TRAPPC9: variants seen among roughly 807,000 people sequenced by gnomAD.
The protein encoded by TRAPPC9 is trafficking protein particle complex subunit 9.
In TRAPPC9, 83 loss-of-function variants were observed where a neutral mutation model predicts 124.0. That is an observed-to-expected ratio of 0.67 (90% CI 0.56 to 0.80). The LOEUF is 0.80. TRAPPC9 is among the 30% of genes least tolerant of loss of function. TRAPPC9 has a pLI of 0.00. For synonymous variants in TRAPPC9, 638 were observed against 617.5 expected (o/e 1.03, Z -0.49); for missense variants, 1,302 against 1,508.3 (o/e 0.86, Z 2.27).
chr8:139,881,459 C>T (rs985799963), intron 21 of TRAPPC9, among the ~76,000 whole-genome samples: 2 of 152,250 alleles, frequency 1.3e-5, no homozygotes. Context: ...CCCTTTATAC[C>T]ACCTGAGCTG....
At chr8:139,782,970 T>A (rs1821939612) in intron 21 of TRAPPC9, among the ~76,000 whole-genome samples, 1 of 152,038 alleles carries the variant, frequency 6.6e-6, no homozygotes. Flanking sequence ...AGAAATTAAG[T>A]GAGAAATTAA....
At chr8:140,299,527 C>T (rs2065905968) in intron 11 of TRAPPC9, among the ~76,000 whole-genome samples, 2 of 152,244 alleles carry the variant, frequency 1.3e-5, no homozygotes, top group African/African-American at 4.8e-5. Flanking sequence ...GCAGGCCTCC[C>T]GCTCACACTC....
chr8:139,963,817 CTA>C (rs1385660493), intron 19 of TRAPPC9, among the ~76,000 whole-genome samples: 2 of 144,348 alleles, frequency 1.4e-5, no homozygotes. Flanking sequence ...ATGCTTATTT[CTA>C]TGTTATTTAA....
intron 9 of TRAPPC9, among the ~76,000 whole-genome samples, chr8:140,337,410 AAG>A (rs2067071711): frequency 6.6e-6 from 1 of 152,240 alleles, no homozygotes; most frequent in African/African-American, 2.4e-5. Context: ...ATAAAACAGG[AAG>A]AACATTCTAA....
At chr8:140,300,722 G>T in intron 10 of TRAPPC9, 108 bp from the exon 11 acceptor site, 1 of 1,394,520 alleles carries the variant, frequency 7.2e-7, no homozygotes. Context: ...CAGTCAGAAG[G>T]AAGATAAATG....
chr8:140,220,558 C>T (rs151196050), intron 17 of TRAPPC9, among the ~76,000 whole-genome samples: 48 of 152,276 alleles, frequency 3.2e-4, no homozygotes, highest in African/African-American at 1.1e-3. Context: ...AAGTTCAATC[C>T]ACTGACATGA....
chr8:139,814,798 G>A (rs765203702), intron 21 of TRAPPC9, among the ~76,000 whole-genome samples: 65 of 152,246 alleles, frequency 4.3e-4, no homozygotes, highest in Non-Finnish European at 7.6e-4. Context: ...AAAACTCCCA[G>A]AAGGTGCCAA....
chr8:139,861,993 C>T (rs374692312), intron 21 of TRAPPC9, among the ~76,000 whole-genome samples: 10 of 152,228 alleles, frequency 6.6e-5, no homozygotes, highest in African/African-American at 1.9e-4. Context: ...CACAGATCAG[C>T]GAAGCACTAC....
In TRAPPC9 at chr8:140,087,482, C is replaced by T. The variant is rs1844269315; in HGVS notation, c.2557-63403G>A. ...AGAGCCGAACGGTGCTCACACATGA[C>T]TCGCCTGAAGAATATGGTTGTGTTT... On this transcript the variant is annotated intron_variant, in intron 17 of 22. Coordinates refer to ENST00000438773, the MANE Select transcript of TRAPPC9 (RefSeq NM_001160372.4). This position sits in a 1 kb window ranked among gnomAD's most constrained non-coding sequence, Gnocchi z 4.6. Among the ~76,000 whole-genome samples, 1 of 152,236 alleles carries T rather than the reference C, an allele frequency of 6.6e-6. No individual in the cohort carries two copies. Among genetic ancestry groups the T allele is most frequent in the African/African-American group, 2.4e-5 (1 of 41,466 alleles).
At chr8:139,975,697 C>T (rs1364102197) in intron 19 of TRAPPC9, among the ~76,000 whole-genome samples, 1 of 152,150 alleles carries the variant, frequency 6.6e-6, no homozygotes, top group Admixed American at 6.5e-5. Context: ...TAGCACCGAG[C>T]ATCAGCATCC....
Position 139,984,453 on chromosome 8 carries a change from G to T in TRAPPC9, c.2810+4273C>A, listed in dbSNP as rs1587413107. Among the ~76,000 whole-genome samples the T allele has an allele frequency of 6.6e-6, 1 of 152,030 alleles. No homozygotes were observed. Among genetic ancestry groups the T allele is most frequent in the Non-Finnish European group, 1.5e-5 (1 of 67,992 alleles). On this transcript the variant is annotated intron_variant, in intron 19 of 22. Transcript: ENST00000438773. The surrounding 1 kb of genome is among the most constrained non-coding windows in gnomAD (Gnocchi z 4.3). ...TTTAGGTTTAGCACAGCCTGGGGGT[G>T]GGGGGCCGGGGGGTGGTGGCAGGGG...
rs562865821 is a variant in TRAPPC9, at chr8:139,834,782, G to A, written c.3055+51097C>T. On this transcript the variant is annotated intron_variant, in intron 21 of 22. Transcript: ENST00000438773. ...AGTTCACGAGAGGGATCTCACACCCGAGAGATACAGGCACTGTCATCATCA... is the reference window on the plus strand; with the variant it reads ...AGTTCACGAGAGGGATCTCACACCCAAGAGATACAGGCACTGTCATCATCA... Among the ~76,000 whole-genome samples, 5 of 152,264 alleles carry A rather than the reference G, an allele frequency of 3.3e-5. 1 individual carries two copies. Among genetic ancestry groups the A allele is most frequent in the African/African-American group, 9.6e-5 (4 of 41,546 alleles).
intron 5 of TRAPPC9, among the ~76,000 whole-genome samples, chr8:140,418,236 G>A (rs956976928): frequency 6.6e-6 from 1 of 152,068 alleles, no homozygotes; most frequent in Non-Finnish European, 1.5e-5. Context: ...AGAAAGGCCA[G>A]GTACAGCTGT....
chr8:140,001,758 A>G (rs1012962869), intron 18 of TRAPPC9, among the ~76,000 whole-genome samples: 5 of 152,244 alleles, frequency 3.3e-5, no homozygotes, highest in Non-Finnish European at 5.9e-5. Context: ...CATCCAAGAA[A>G]GCACTTATCC....
At chr8:140,397,263 T>C (rs1240579593) in intron 7 of TRAPPC9, among the ~76,000 whole-genome samples, 1 of 152,182 alleles carries the variant, frequency 6.6e-6, no homozygotes, top group Non-Finnish European at 1.5e-5. Flanking sequence ...CTGCATGTTT[T>C]ATAAACCCAA....
rs74448900 is a variant in TRAPPC9, at chr8:139,756,044, A to G, written c.3056-23842T>C. On this transcript the variant is annotated intron_variant, in intron 21 of 22. Transcript: ENST00000438773. ...CAGGTCACAGGAGGAGCCAGGGATT[A>G]GGGATGAGGACAGCAGGTCGCAGGA... 6.5e-3 allele frequency among the ~76,000 whole-genome samples: 230 copies of G among 35,236 alleles called. 1 individual carries two copies. The highest frequency in any genetic ancestry group is 9.7e-3 in the Admixed American group (33 of 3,410). The allele number at this position is 35,236 out of a possible 152,430, so 23.1% of individuals were successfully genotyped here.
intron 2 of TRAPPC9, among the ~76,000 whole-genome samples, chr8:140,441,047 C>T (rs1249572027): frequency 2.7e-5 from 4 of 145,966 alleles, no homozygotes; most frequent in African/African-American, 1.0e-4. Flanking sequence ...GGCACAATCA[C>T]AGCTCACTGC....
At chr8:139,978,347 A>G (rs561620389) in intron 19 of TRAPPC9, among the ~76,000 whole-genome samples, 1 of 152,382 alleles carries the variant, frequency 6.6e-6, no homozygotes, top group Non-Finnish European at 1.5e-5. Context: ...AACCAATGTT[A>G]GGAAATAGGT....
chr8:140,101,352 T>C (rs1299423258), intron 17 of TRAPPC9, among the ~76,000 whole-genome samples: 2 of 151,974 alleles, frequency 1.3e-5, no homozygotes, highest in East Asian at 1.9e-4. Context: ...GCCAGGCTGG[T>C]CTTGAACTCT....
Sources: gnomAD v4.1 joint callset for allele counts (sites outside exome capture counted in the v4.1 genomes callset) on GRCh38, gnomAD v4.1.1 for gene constraint, Gnocchi (gnomAD v3.1) non-coding constraint, MANE v1.5 for transcripts, NCBI Gene and HGNC (gene_info 2026-07-23, HGNC 2026-07-21) for gene names.